The following PAPSS2 variants were observed in gnomAD, a reference collection of about 807,000 sequenced individuals.
PAPSS2 encodes the protein 3'-phosphoadenosine 5'-phosphosulfate synthase 2, also known as bifunctional 3'-phosphoadenosine 5'-phosphosulfate synthase 2.
A neutral mutation model predicts 66.5 loss-of-function variants in PAPSS2; 61 were observed. That is an observed-to-expected ratio of 0.92 (90% confidence interval 0.75 to 1.14). The LOEUF is 1.14. PAPSS2 is among the 50% of genes most tolerant of loss of function. The probability of loss-of-function intolerance (pLI) is 0.00; values close to 1 mark genes in which losing one functional copy is unlikely to be tolerated. For missense variants in PAPSS2, 708 were observed against 789.6 expected (o/e 0.90, Z 1.24); for synonymous variants, 289 against 287.5 (o/e 1.01, Z -0.05).
intron 1 of PAPSS2, among the ~76,000 whole-genome samples, chr10:87,686,903 G>C (rs954834154): frequency 1.3e-5 from 2 of 152,150 alleles, no homozygotes; most frequent in African/African-American, 2.4e-5. Flanking sequence ...TGCAAGGTTA[G>C]GGCTTATTTT....
intron 2 of PAPSS2, among the ~76,000 whole-genome samples, chr10:87,712,016 G>A (rs1160773378): frequency 6.6e-6 from 1 of 151,992 alleles, no homozygotes; most frequent in Admixed American, 6.6e-5. Flanking sequence ...AATAATTTTG[G>A]CAGGTTGTGT....
At chr10:87,722,550 G>A (rs1027182597) in intron 8 of PAPSS2, among the ~76,000 whole-genome samples, 2 of 152,182 alleles carry the variant, frequency 1.3e-5, no homozygotes, top group African/African-American at 4.8e-5. Context: ...TGAACAATAA[G>A]CTATCTCTTG....
intron 1 of PAPSS2, among the ~76,000 whole-genome samples, chr10:87,673,689 CT>C (rs34935261): frequency 0.16 from 10,866 of 67,374 alleles, 301 homozygotes; most frequent in Non-Finnish European, 0.2. Flanking sequence ...TTTTGGCTTA[CT>C]TTTTTTTTTT....
intron 1 of PAPSS2, among the ~76,000 whole-genome samples, chr10:87,706,862 C>T (rs776370606): frequency 2.0e-5 from 3 of 152,326 alleles, no homozygotes; most frequent in South Asian, 4.1e-4. Flanking sequence ...CCTAATTTGT[C>T]CCCATTTATG....
At chr10:87,735,017 T>C (rs35814940) in intron 9 of PAPSS2, among the ~76,000 whole-genome samples, 45,458 of 151,840 alleles carry the variant, frequency 0.3, 7,044 homozygotes, top group Non-Finnish European at 0.32. Context: ...CTCTCCTTTA[T>C]GCATTCTTGT....
chr10:87,744,660 C>T (rs1405839395), intron 11 of PAPSS2, among the ~76,000 whole-genome samples: 2 of 152,140 alleles, frequency 1.3e-5, no homozygotes, highest in African/African-American at 4.8e-5. Flanking sequence ...CTTTAAACTG[C>T]AATTTATTGT....
chr10:87,719,787 T>G (rs906135208), intron 7 of PAPSS2, among the ~76,000 whole-genome samples: 1 of 152,184 alleles, frequency 6.6e-6, no homozygotes, highest in Non-Finnish European at 1.5e-5. Flanking sequence ...GTGAGCTTGC[T>G]GAGAAATACA....
At position 87,659,893 on chromosome 10, in the gene PAPSS2, T is replaced by TGCTGCTGCTGCTGCCGCC. The variant is rs1852724961; in HGVS notation, c.-86_-69dup. On this transcript the variant is annotated 5_prime_UTR_variant, in exon 1 of 13. Coordinates refer to ENST00000456849, the MANE Select transcript of PAPSS2 (RefSeq NM_001015880.2). ...GGAGTCCGGCAGCCGCTGCTGCTGCTGCTGCTGCTGCTGCCGCCGCCGCCG... is the reference window on the plus strand; with the variant it reads ...GGAGTCCGGCAGCCGCTGCTGCTGCTGCTGCTGCTGCTGCCGCCGCTGCTGCTGCTGCCGCCGCCGCCG... 1 of 1,326,252 alleles carries TGCTGCTGCTGCTGCCGCC rather than the reference T, an allele frequency of 7.5e-7. No individual in the cohort carries two copies. Among genetic ancestry groups the TGCTGCTGCTGCTGCCGCC allele is most frequent in the Non-Finnish European group, 1.1e-6 (1 of 924,952 alleles). 82.2% of individuals were successfully genotyped at this position (1,326,252 alleles called of 1,614,324 possible). A position where few individuals can be genotyped will look rare whatever the true frequency, so the allele number is the denominator to read the frequency against.
chr10:87,729,231 C>CTTTT (rs201619180), intron 9 of PAPSS2, among the ~76,000 whole-genome samples: 1 of 110,794 alleles, frequency 9.0e-6, no homozygotes, highest in Admixed American at 9.3e-5. Flanking sequence ...TTTTGCTTTT[C>CTTTT]TTTTCTTTTT....
At chr10:87,676,639 G>A (rs1305116420) in intron 1 of PAPSS2, among the ~76,000 whole-genome samples, 1 of 151,912 alleles carries the variant, frequency 6.6e-6, no homozygotes, top group African/African-American at 2.4e-5. Context: ...TATCTCATTA[G>A]GTTTAAAAAT....
chr10:87,708,219 T>G (rs1375188001), intron 1 of PAPSS2, among the ~76,000 whole-genome samples: 3 of 152,232 alleles, frequency 2.0e-5, no homozygotes, highest in African/African-American at 7.2e-5. Context: ...CTAAGCTGAT[T>G]TTATTACAGC....
intron 1 of PAPSS2, among the ~76,000 whole-genome samples, chr10:87,706,140 G>GTGTGTGTGTGTGTATA (rs1304990011): frequency 7.9e-5 from 9 of 113,232 alleles, no homozygotes; most frequent in African/African-American, 3.4e-4. Context: ...GTGTGTGTGT[G>GTGTGTGTGTGTGTATA]TATATATATA....
intron 1 of PAPSS2, among the ~76,000 whole-genome samples, chr10:87,675,038 C>T (rs1589419895): frequency 6.6e-6 from 1 of 152,216 alleles, no homozygotes; most frequent in Non-Finnish European, 1.5e-5. Flanking sequence ...TATCTAGGAA[C>T]TGCAGTTTAA....
rs187482418 is a variant in PAPSS2, at chr10:87,704,766, C to T, written c.28-4430C>T. 2.9e-4 allele frequency among the ~76,000 whole-genome samples: 44 copies of T among 152,262 alleles called. No homozygotes were observed. In the East Asian group the frequency reaches 7.9e-3, roughly 27 times the overall value. ...AAGTGATTCTCCTGCCTCAGCCTCT[C>T]AAGTAGCTGGGATTACAGGCATGCG... On this transcript the variant is annotated intron_variant, in intron 1 of 12. Coordinates refer to ENST00000456849, the MANE Select transcript of PAPSS2 (RefSeq NM_001015880.2).
intron 9 of PAPSS2, among the ~76,000 whole-genome samples, chr10:87,733,531 A>G (rs1388728920): frequency 6.6e-6 from 1 of 152,192 alleles, no homozygotes; most frequent in Non-Finnish European, 1.5e-5. Flanking sequence ...TCAATGAAAG[A>G]TGGGAATGAG....
intron 7 of PAPSS2, among the ~76,000 whole-genome samples, chr10:87,716,085 A>G (rs1853529123): frequency 6.6e-6 from 1 of 152,178 alleles, no homozygotes; most frequent in Admixed American, 6.5e-5. Flanking sequence ...AAGCCAAGAG[A>G]AAGACAGGTC....
intron 1 of PAPSS2, among the ~76,000 whole-genome samples, chr10:87,664,634 AG>A (rs1340757950): frequency 6.6e-6 from 1 of 152,198 alleles, no homozygotes; most frequent in Non-Finnish European, 1.5e-5. Context: ...GGGGATAATT[AG>A]GCTTACCTCT....
At position 87,714,106 on chromosome 10, in the gene PAPSS2, A is replaced by G. The variant is rs1179343449; in HGVS notation, c.444A>G (p.Val148=). 7 of 1,613,838 alleles carry G rather than the reference A, an allele frequency of 4.3e-6. No individual in the cohort carries two copies. In the Admixed American group the frequency reaches 5.0e-5, roughly 12 times the overall value. The change falls in exon 4 of 13, where the codon GTA becomes GTG. Residue 148 remains valine, a synonymous_variant. Transcript: ENST00000456849. ...GGCTGCCATTCTTTGAAATATTTGT[A>G]GATGCACCTCTAAATATTTGTGAAA... ...SAGLPFFEIF[V]DAPLNICESR...
chr10:87,695,601 A>C (rs930199964), intron 1 of PAPSS2, among the ~76,000 whole-genome samples: 2 of 152,234 alleles, frequency 1.3e-5, no homozygotes, highest in Non-Finnish European at 2.9e-5. Context: ...CTGAAGGTTG[A>C]AGTGGAAGTC....
Sources: allele counts gnomAD v4.1 joint callset (sites outside exome capture counted in the v4.1 genomes callset), GRCh38; gene constraint gnomAD v4.1.1; transcripts MANE v1.5; gene names NCBI Gene and HGNC (gene_info 2026-07-23, HGNC 2026-07-21).